SRRM4: variants seen among roughly 807,000 people sequenced by gnomAD.
The protein encoded by SRRM4 is serine/arginine repetitive matrix 4.
Under a neutral mutation model 68.9 loss-of-function variants are expected in SRRM4, and 33 were observed. The observed-to-expected ratio is 0.48, with a 90% confidence interval of 0.36 to 0.64. The LOEUF (loss-of-function observed/expected upper bound fraction) is 0.64, where lower values mean the gene tolerates loss of function less well. SRRM4 is among the 30% of genes least tolerant of loss of function. The probability of loss-of-function intolerance (pLI) is 0.00; values close to 1 mark genes in which losing one functional copy is unlikely to be tolerated. For missense variants in SRRM4, 817 were observed against 827.1 expected, an observed-to-expected ratio of 0.99 and a Z score of 0.15; for synonymous variants, 318 against 318.8, an observed-to-expected ratio of 1.00 and a Z score of 0.03.
At chr12:119,078,770 A>T (rs1037700048) in intron 1 of SRRM4, among the ~76,000 whole-genome samples, 7 of 152,062 alleles carry the variant, frequency 4.6e-5, no homozygotes, top group African/African-American at 9.7e-5. Context: ...AAAAAATTTA[A>T]AATTCAAAAT....
At chr12:119,153,698 T>C (rs891897543) in intron 11 of SRRM4, 49 bp downstream of exon 11, 3 of 1,376,846 alleles carry the variant, frequency 2.2e-6, no homozygotes, top group African/African-American at 2.9e-5. Context: ...CCCACCCCTT[T>C]GCTCTGATCC....
chr12:119,011,623 G>A (rs1329139132), intron 1 of SRRM4, among the ~76,000 whole-genome samples: 1 of 152,078 alleles, frequency 6.6e-6, no homozygotes, highest in Non-Finnish European at 1.5e-5. Context: ...TAAGACTTTG[G>A]AAATTAAAAA....
At chr12:119,123,864 A>T (rs1954239862) in intron 6 of SRRM4, among the ~76,000 whole-genome samples, 1 of 152,074 alleles carries the variant, frequency 6.6e-6, no homozygotes, top group African/African-American at 2.4e-5. Flanking sequence ...GGCCTTGAAG[A>T]GCTCACAGGA....
intron 1 of SRRM4, among the ~76,000 whole-genome samples, chr12:119,021,006 G>C (rs935195802): frequency 3.3e-5 from 5 of 152,162 alleles, no homozygotes; most frequent in Admixed American, 6.5e-5. Context: ...TGTTCTGCTG[G>C]TTCTCTGGGT....
chr12:119,041,055 C>T (rs990103404), intron 1 of SRRM4, among the ~76,000 whole-genome samples: 33 of 152,144 alleles, frequency 2.2e-4, no homozygotes, highest in African/African-American at 7.2e-4. Flanking sequence ...TGGTGGTTGA[C>T]TACTTTATTG....
intron 1 of SRRM4, among the ~76,000 whole-genome samples, chr12:119,087,056 G>A (rs1012023885): frequency 5.9e-5 from 9 of 152,230 alleles, no homozygotes; most frequent in Non-Finnish European, 1.0e-4. Context: ...GTACTATGGT[G>A]AAAGGGTTAA....
Position 119,142,027 on chromosome 12 carries a change from G to A in SRRM4, c.772-3354G>A, listed in dbSNP as rs149181344. Among the ~76,000 whole-genome samples, 542 of 152,318 alleles carry A rather than the reference G, an allele frequency of 3.6e-3. 5 individuals are homozygous for A. The highest frequency in any genetic ancestry group is 0.012 in the African/African-American group (518 of 41,560). ...GTATTCTAGGCAGAGGAAATGGCAT[G>A]TGCAAATGGCCTGGGGTTAGAACAA... On this transcript the variant is annotated intron_variant, in intron 8 of 12. Coordinates refer to ENST00000267260, the MANE Select transcript of SRRM4 (RefSeq NM_194286.4).
intron 1 of SRRM4, chr12:119,069,573 G>GTGCA (rs1329875207): frequency 2.0e-5 from 3 of 152,218 alleles, no homozygotes; most frequent in Non-Finnish European, 4.4e-5. Flanking sequence ...GGGTGGCTGG[G>GTGCA]TGCATCCTCC....
At chr12:119,064,477 C>G (rs1159620023) in intron 1 of SRRM4, among the ~76,000 whole-genome samples, 1 of 152,076 alleles carries the variant, frequency 6.6e-6, no homozygotes, top group Admixed American at 6.6e-5. Context: ...AGCCAAAGTC[C>G]TCTGGTTTCC....
chr12:119,115,317 T>G (rs542326034), intron 3 of SRRM4, among the ~76,000 whole-genome samples: 2 of 152,272 alleles, frequency 1.3e-5, no homozygotes, highest in Admixed American at 1.3e-4. Context: ...TCCTTTAAAA[T>G]TTTTTTATAT....
At chr12:119,110,358 GA>G (rs1264256717) in intron 2 of SRRM4, among the ~76,000 whole-genome samples, 21 of 152,202 alleles carry the variant, frequency 1.4e-4, no homozygotes, top group African/African-American at 5.1e-4. Flanking sequence ...AAAACTGTCA[GA>G]CAGGGACATT....
At chr12:119,070,463 A>G (rs1248313147) in intron 1 of SRRM4, among the ~76,000 whole-genome samples, 1 of 152,142 alleles carries the variant, frequency 6.6e-6, no homozygotes, top group African/African-American at 2.4e-5. Flanking sequence ...GAGCTATTTC[A>G]GCTTTTGCCT....
chr12:119,102,184 A>T, intron 1 of SRRM4, 52 bp from the exon 2 acceptor site: 1 of 1,513,566 alleles, frequency 6.6e-7, no homozygotes, highest in Admixed American at 1.9e-5. Flanking sequence ...AATGAACATT[A>T]AGTGTCTCTG....
At chr12:119,084,905 C>A (rs986426262) in intron 1 of SRRM4, among the ~76,000 whole-genome samples, 11 of 152,244 alleles carry the variant, frequency 7.2e-5, no homozygotes, top group African/African-American at 2.2e-4. Context: ...ATATTTATTT[C>A]TTTATTTATT....
intron 1 of SRRM4, among the ~76,000 whole-genome samples, chr12:119,017,996 T>A (rs1309314071): frequency 1.3e-5 from 2 of 152,154 alleles, no homozygotes; most frequent in Non-Finnish European, 2.9e-5. Flanking sequence ...GCAGAATAAT[T>A]TAGCAGGATC....
At position 119,160,881 on chromosome 12, in the gene SRRM4, G is replaced by T. The variant is rs1954508979; in HGVS notation, c.*4083G>T. The T allele has an allele frequency of 6.6e-6, 1 of 152,170 alleles. No homozygotes were observed. The highest frequency in any genetic ancestry group is 1.5e-5 in the Non-Finnish European group (1 of 68,044). 9.4% of individuals were successfully genotyped at this position (152,170 alleles called of 1,614,324 possible). On this transcript the variant is annotated 3_prime_UTR_variant, in exon 13 of 13. Coordinates refer to ENST00000267260, the MANE Select transcript of SRRM4 (RefSeq NM_194286.4). ...ATTAGGCAAGGCTAAGTAACTCAAA[G>T]CCCCCTATTAGTAACATTCTGGTTC...
At chr12:119,104,151 G>A (rs1323043326) in intron 2 of SRRM4, among the ~76,000 whole-genome samples, 2 of 152,198 alleles carry the variant, frequency 1.3e-5, no homozygotes, top group East Asian at 1.9e-4. Flanking sequence ...ATGTTGAGAT[G>A]TAATTCTCAA....
At chr12:119,132,880 C>T (rs1954306758) in intron 8 of SRRM4, 1 of 152,160 alleles carries the variant, frequency 6.6e-6, no homozygotes, top group South Asian at 2.1e-4. Context: ...ATTATTAATT[C>T]GTGGTCACAT....
intron 6 of SRRM4, 102 bp from the exon 7 acceptor site, chr12:119,125,279 C>A (rs7296134): frequency 3.9e-6 from 4 of 1,028,440 alleles, no homozygotes; most frequent in Admixed American, 4.3e-5. Flanking sequence ...GGATGGTGAC[C>A]AGTGCAAAGG....
Sources: gnomAD v4.1 joint callset for allele counts (sites outside exome capture counted in the v4.1 genomes callset) on GRCh38, gnomAD v4.1.1 for gene constraint, MANE v1.5 for transcripts, NCBI Gene and HGNC (gene_info 2026-07-23, HGNC 2026-07-21) for gene names.